FGF14: variants seen among roughly 807,000 people sequenced by gnomAD.
FGF14 encodes the protein fibroblast growth factor 14, also known as fibroblast growth factor homologous factor 4.
A neutral mutation model predicts 25.5 loss-of-function variants in FGF14; 5 were observed. The observed-to-expected ratio is 0.20, with a 90% CI of 0.10 to 0.41. FGF14 has a LOEUF of 0.41. FGF14 is among the 10% of genes least tolerant of loss of function. The pLI is 1.00. For missense variants in FGF14, 222 were observed against 320.1 expected, an observed-to-expected ratio of 0.69 and a Z score of 2.34; for synonymous variants, 138 against 118.3, an observed-to-expected ratio of 1.17 and a Z score of -1.08.
intron 1 of FGF14, among the ~76,000 whole-genome samples, chr13:101,967,980 G>C (rs989306179): frequency 1.4e-4 from 21 of 152,196 alleles, no homozygotes; most frequent in African/African-American, 5.1e-4. Flanking sequence ...AACTGTAATG[G>C]AGATGAGTCA....
chr13:102,213,606 T>C (rs1402772900), intron 1 of FGF14, among the ~76,000 whole-genome samples: 1 of 152,208 alleles, frequency 6.6e-6, no homozygotes, highest in Non-Finnish European at 1.5e-5. Context: ...AGATAATTAT[T>C]GTTGTTGTCA....
chr13:102,169,897 GA>G (rs2048177877), intron 1 of FGF14, among the ~76,000 whole-genome samples: 1 of 152,160 alleles, frequency 6.6e-6, no homozygotes, highest in South Asian at 2.1e-4. Context: ...TACTGAGACT[GA>G]AGGGCTGAAG....
At chr13:102,291,834 C>T (rs983969033) in intron 1 of FGF14, among the ~76,000 whole-genome samples, 7 of 152,148 alleles carry the variant, frequency 4.6e-5, no homozygotes, top group African/African-American at 1.7e-4. Flanking sequence ...GTTTTTACCA[C>T]CTCAAAAGGG....
chr13:101,938,477 T>C (rs1001061432), intron 1 of FGF14, among the ~76,000 whole-genome samples: 13 of 152,226 alleles, frequency 8.5e-5, no homozygotes, highest in African/African-American at 3.1e-4. Flanking sequence ...GGAAAGAACA[T>C]TGATTTAGTT....
intron 1 of FGF14, among the ~76,000 whole-genome samples, chr13:102,352,242 T>TACACAC (rs56774921): frequency 1.5e-3 from 205 of 137,354 alleles, no homozygotes; most frequent in East Asian, 6.7e-3. Flanking sequence ...TGTACCTTTA[T>TACACAC]ACACACACAC....
At chr13:102,307,682 G>C (rs2055470878) in intron 1 of FGF14, among the ~76,000 whole-genome samples, 1 of 152,116 alleles carries the variant, frequency 6.6e-6, no homozygotes, top group Non-Finnish European at 1.5e-5. Flanking sequence ...GATAGGCACT[G>C]TACCAATCAT....
chr13:102,278,777 C>T (rs1485663456), intron 1 of FGF14, among the ~76,000 whole-genome samples: 2 of 152,036 alleles, frequency 1.3e-5, no homozygotes, highest in Non-Finnish European at 2.9e-5. Context: ...AAGCAAACAG[C>T]AATTGTGAGA....
At chr13:102,318,720 G>A (rs148351987) in intron 1 of FGF14, among the ~76,000 whole-genome samples, 23 of 152,216 alleles carry the variant, frequency 1.5e-4, no homozygotes, top group Admixed American at 1.2e-3. Flanking sequence ...AATTACATCT[G>A]CAACAACAGA....
intron 1 of FGF14, among the ~76,000 whole-genome samples, chr13:102,353,057 T>C (rs2057332940): frequency 6.6e-6 from 1 of 152,162 alleles, no homozygotes; most frequent in Admixed American, 6.5e-5. Flanking sequence ...AAATGCCTTG[T>C]CTATAATAAT....
At chr13:102,086,425 G>C (rs754376616) in intron 1 of FGF14, among the ~76,000 whole-genome samples, 2 of 152,202 alleles carry the variant, frequency 1.3e-5, no homozygotes, top group South Asian at 2.1e-4. Flanking sequence ...AGCTACTCGG[G>C]AGGCTGAGGC....
intron 1 of FGF14, among the ~76,000 whole-genome samples, chr13:102,013,688 C>T (rs560916891): frequency 3.9e-5 from 6 of 152,258 alleles, no homozygotes; most frequent in South Asian, 4.1e-4. Flanking sequence ...ATCTCAGAAG[C>T]GTAAGGTTGC....
intron 1 of FGF14, among the ~76,000 whole-genome samples, chr13:102,058,564 T>G (rs2042538282): frequency 6.6e-6 from 1 of 152,146 alleles, no homozygotes; most frequent in Non-Finnish European, 1.5e-5. Flanking sequence ...TTGTAGAGAG[T>G]AGACAAATAT....
chr13:101,874,724 A>C (rs1172905151), intron 2 of FGF14, among the ~76,000 whole-genome samples: 2 of 152,132 alleles, frequency 1.3e-5, no homozygotes, highest in Non-Finnish European at 2.9e-5. Flanking sequence ...TGTTAAATGC[A>C]AAGAATTTTA....
chr13:101,832,054 G>A (rs9585790), intron 3 of FGF14, among the ~76,000 whole-genome samples: 3,885 of 152,136 alleles, frequency 0.026, 166 homozygotes, highest in African/African-American at 0.089. Context: ...TTGGCATTGG[G>A]AGATTATCCT....
At chr13:102,041,427 T>C (rs1052969297) in intron 1 of FGF14, among the ~76,000 whole-genome samples, 1 of 152,014 alleles carries the variant, frequency 6.6e-6, no homozygotes, top group African/African-American at 2.4e-5. Flanking sequence ...TTTATTCCTA[T>C]TGCTATTTGT....
intron 3 of FGF14, among the ~76,000 whole-genome samples, chr13:101,809,836 C>A (rs751940951): frequency 6.6e-6 from 1 of 152,090 alleles, no homozygotes; most frequent in Non-Finnish European, 1.5e-5. Flanking sequence ...TTTATTCTCA[C>A]AACCACCCTA....
At chr13:102,009,076 T>C (rs11842309) in intron 1 of FGF14, among the ~76,000 whole-genome samples, 6,621 of 152,170 alleles carry the variant, frequency 0.044, 502 homozygotes, top group African/African-American at 0.15. Flanking sequence ...AGAAAACAAA[T>C]GGAGTACAGA....
chr13:101,969,595 T>C (rs2037470466), intron 1 of FGF14, among the ~76,000 whole-genome samples: 1 of 152,184 alleles, frequency 6.6e-6, no homozygotes, highest in South Asian at 2.1e-4. Context: ...TCATTTCTTA[T>C]TATCATTGCA....
chr13:101,816,742 T>C (rs982301729), intron 3 of FGF14, among the ~76,000 whole-genome samples: 2 of 152,168 alleles, frequency 1.3e-5, no homozygotes, highest in Non-Finnish European at 2.9e-5. Flanking sequence ...AATTCTAGGT[T>C]AACTGAAGGA....
Sources: gnomAD v4.1 joint callset for allele counts (sites outside exome capture counted in the v4.1 genomes callset) on GRCh38, gnomAD v4.1.1 for gene constraint, MANE v1.5 for transcripts, NCBI Gene and HGNC (gene_info 2026-07-23, HGNC 2026-07-21) for gene names.